Variants in HSPBP1 observed in about 807,000 individuals in gnomAD.
HSPBP1 encodes hsp70-binding protein 1.
A neutral mutation model predicts 41.7 loss-of-function variants in HSPBP1; 31 were observed. That is an observed-to-expected ratio of 0.74 (90% CI 0.56 to 1.00). The LOEUF (loss-of-function observed/expected upper bound fraction) is 1.00. HSPBP1 is among the 50% of genes least tolerant of loss of function. The probability of loss-of-function intolerance (pLI) is 0.00; values close to 1 mark genes in which losing one functional copy is unlikely to be tolerated. For synonymous variants in HSPBP1, 199 were observed against 214.4 expected (o/e 0.93, Z 0.63); for missense variants, 439 against 487.9 (o/e 0.90, Z 0.94).
chr19:55,271,988 G>A (rs1456380716), intron 4 of HSPBP1, among the ~76,000 whole-genome samples: 1 of 152,130 alleles, frequency 6.6e-6, no homozygotes, highest in Non-Finnish European at 1.5e-5. Flanking sequence ...CTTGAACCTG[G>A]GAGGTGGAGG....
At chr19:55,263,794 G>A (rs927281609) in intron 7 of HSPBP1, among the ~76,000 whole-genome samples, 8 of 152,178 alleles carry the variant, frequency 5.3e-5, no homozygotes, top group African/African-American at 1.4e-4. Context: ...CAACTGGGTA[G>A]CCAGAAGGAG....
chr19:55,264,219 G>A (rs755362828), intron 7 of HSPBP1, among the ~76,000 whole-genome samples: 11 of 152,012 alleles, frequency 7.2e-5, no homozygotes, highest in Non-Finnish European at 1.3e-4. Flanking sequence ...TGCCTGCCTC[G>A]GCCTCCCAAA....
chr19:55,277,188 C>G (rs1395148355), intron 3 of HSPBP1, among the ~76,000 whole-genome samples: 2 of 152,210 alleles, frequency 1.3e-5, no homozygotes, highest in African/African-American at 4.8e-5. Flanking sequence ...TCTACTCTGC[C>G]TCAAGGGCCT....
chr19:55,269,095 G>T (rs189746143), intron 4 of HSPBP1, among the ~76,000 whole-genome samples: 119 of 152,224 alleles, frequency 7.8e-4, no homozygotes, highest in African/African-American at 2.8e-3. Context: ...ACCCAGGAGA[G>T]ACCTGTCCCC....
chr19:55,274,385 C>A lies in HSPBP1; in HGVS notation c.640+13G>T, dbSNP rs1289709762. 2 of 1,526,902 alleles carry A rather than the reference C, an allele frequency of 1.3e-6. No homozygotes were observed. Among genetic ancestry groups the A allele is most frequent in the Non-Finnish European group, 1.8e-6 (2 of 1,138,952 alleles). The allele number at this position is 1,526,902 out of a possible 1,614,324, so 94.6% of individuals were successfully genotyped here. A position where few individuals can be genotyped will look rare whatever the true frequency, so the allele number is the denominator to read the frequency against. ...GCCAGCACCCCTGTCCCCAGCCCCA[C>A]CCGGACACTCACAGGAGATGGCGAA... On this transcript the variant is annotated intron_variant, in intron 4 of 7. Transcript: ENST00000433386.
Position 55,265,937 on chromosome 19 carries a change from A to T in HSPBP1, c.842T>A (p.Val281Glu). ...MGMVQQLVAL[V>E]RTEHSPFHEH... is the part of the protein sequence containing the mutation. ...GTGGAAGGGGCTGTGCTCTGTCCGC[A>T]CCAGGGCCACCAGCTGCTGGACCAT... Residue 281 changes from valine to glutamate, a missense_variant, in exon 6 of 8, where the codon GTG becomes GAG. By Grantham distance (121) the Val-to-Glu change is moderately radical (BLOSUM62 -2). Transcript: ENST00000433386. 1 of 1,607,606 alleles carries T rather than the reference A, an allele frequency of 6.2e-7. No homozygotes were observed. The highest frequency in any genetic ancestry group is 8.5e-7 in the Non-Finnish European group (1 of 1,178,174).
intron 4 of HSPBP1, among the ~76,000 whole-genome samples, chr19:55,273,038 G>A (rs1016764436): frequency 5.9e-5 from 9 of 152,114 alleles, no homozygotes; most frequent in Non-Finnish European, 1.0e-4. Context: ...GCTCTGTCAC[G>A]CAGGCTGGAG....
rs749071402 is a variant in HSPBP1, at chr19:55,270,937, C to T, written c.640+3461G>A. 9.3e-5 allele frequency among the ~76,000 whole-genome samples: 14 copies of T among 151,284 alleles called. No individual in the cohort carries two copies. Among genetic ancestry groups the T allele is most frequent in the East Asian group, 1.9e-4 (1 of 5,150 alleles). ...CCACACACCACACAACCCATGTACA[C>T]GCTACACTAACACACGACACGCCAA... On this transcript the variant is annotated intron_variant, in intron 4 of 7. Coordinates refer to ENST00000433386, the MANE Select transcript of HSPBP1 (RefSeq NM_012267.5). The surrounding 1 kb of genome is among the most constrained non-coding windows in gnomAD (Gnocchi z 5.4).
At chr19:55,276,610 C>T (rs1442682673) in intron 3 of HSPBP1, among the ~76,000 whole-genome samples, 1 of 152,162 alleles carries the variant, frequency 6.6e-6, no homozygotes, top group Non-Finnish European at 1.5e-5. Context: ...GTGCTTAGCA[C>T]ACAGCAGCTG....
At chr19:55,264,549 CTTG>C (rs1390715734) in intron 7 of HSPBP1, among the ~76,000 whole-genome samples, 9 of 151,862 alleles carry the variant, frequency 5.9e-5, no homozygotes, top group Admixed American at 2.0e-4. Context: ...TTATTTATCA[CTTG>C]TTATTTACCC....
intron 4 of HSPBP1, 53 bp downstream of exon 4, chr19:55,274,345 G>GACCCCCCCCCCCCC: frequency 1.8e-6 from 1 of 552,678 alleles, no homozygotes. Flanking sequence ...GGCCCACCCG[G>GACCCCCCCCCCCCC]CACCCCCCCC....
chr19:55,275,554 G>C (rs921360374), intron 3 of HSPBP1, among the ~76,000 whole-genome samples: 1 of 152,170 alleles, frequency 6.6e-6, no homozygotes, highest in Non-Finnish European at 1.5e-5. Flanking sequence ...CAGCACTTTG[G>C]GAGGCCAGGG....
At chr19:55,275,729 C>T in intron 3 of HSPBP1, among the ~76,000 whole-genome samples, 1 of 151,986 alleles carries the variant, frequency 6.6e-6, no homozygotes, top group East Asian at 1.9e-4. Context: ...GTGGGTGGAT[C>T]ACGAGGTCAG....
At position 55,274,554 on chromosome 19, in the gene HSPBP1, G is replaced by A. The variant is rs780613773; in HGVS notation, c.484C>T (p.Arg162Trp). The A allele has an allele frequency of 2.5e-6, 4 of 1,608,712 alleles. No individual in the cohort carries two copies. The East Asian group carries it at 6.7e-5, about 27-fold the overall frequency. The change falls in exon 4 of 8, where the codon CGG becomes TGG. Residue 162 changes from arginine to tryptophan, a missense_variant. Arg to Trp is a moderately radical substitution (Grantham distance 101, BLOSUM62 -3). Coordinates refer to ENST00000433386, the MANE Select transcript of HSPBP1 (RefSeq NM_012267.5). Reference protein sequence around the residue: ...RYLEAGAAGLRWRAAQLIGTC... With the variant: ...RYLEAGAAGLWWRAAQLIGTC... ...CCGATGAGCTGTGCCGCCCGCCACC[G>A]CAGTCCCGCAGCCCCCGCCTCCAGG...
rs566607911 is a variant in HSPBP1, at chr19:55,270,318, C to T, written c.641-4032G>A. ...ACTGCCAGCAAAACTCTGCTAGCCC[C>T]GGGGCGAGCCATGGTGGAAGCCCAT... On this transcript the variant is annotated intron_variant, in intron 4 of 7. Coordinates refer to ENST00000433386, the MANE Select transcript of HSPBP1 (RefSeq NM_012267.5). The surrounding 1 kb of genome is among the most constrained non-coding windows in gnomAD (Gnocchi z 5.4). 7.4e-4 allele frequency among the ~76,000 whole-genome samples: 112 copies of T among 152,308 alleles called. No homozygotes were observed. The highest frequency in any genetic ancestry group is 1.5e-3 in the Admixed American group (23 of 15,296).
chr19:55,278,273 G>A (rs1048428725), intron 2 of HSPBP1, among the ~76,000 whole-genome samples: 5 of 152,128 alleles, frequency 3.3e-5, no homozygotes, highest in East Asian at 1.9e-4. Context: ...GAGCTAATAC[G>A]TGACTGCTGG....
intron 3 of HSPBP1, among the ~76,000 whole-genome samples, chr19:55,275,503 G>C (rs950483941): frequency 6.6e-6 from 1 of 152,180 alleles, no homozygotes; most frequent in Non-Finnish European, 1.5e-5. Context: ...GCCATAAAAA[G>C]GAATGAAGCA....
At chr19:55,269,811 G>A (rs1454693271) in intron 4 of HSPBP1, among the ~76,000 whole-genome samples, 2 of 152,180 alleles carry the variant, frequency 1.3e-5, no homozygotes, top group African/African-American at 4.8e-5. Flanking sequence ...CAAACCCATA[G>A]TACATACAGC....
In HSPBP1 at chr19:55,262,305, A is replaced by G; in HGVS notation, c.*303T>C. ...ACCCGTGCCCCTCCTCCCGTCCCCC[A>G]TGCACCCTCCAAAGGAGATGACAAA... On this transcript the variant is annotated 3_prime_UTR_variant, in exon 8 of 8. Coordinates refer to ENST00000433386, the MANE Select transcript of HSPBP1 (RefSeq NM_012267.5). 8.6e-7 allele frequency: 1 copy of G among 1,167,754 alleles called. No individual in the cohort carries two copies. Among genetic ancestry groups the G allele is most frequent in the Non-Finnish European group, 1.1e-6 (1 of 930,314 alleles). 72.3% of individuals were successfully genotyped at this position (1,167,754 alleles called of 1,614,324 possible). A position where few individuals can be genotyped will look rare whatever the true frequency, so the allele number is the denominator to read the frequency against.
Sources: gnomAD v4.1 joint callset for allele counts (sites outside exome capture counted in the v4.1 genomes callset) on GRCh38, gnomAD v4.1.1 for gene constraint, Gnocchi (gnomAD v3.1) non-coding constraint, MANE v1.5 for transcripts, NCBI Gene and HGNC (gene_info 2026-07-23, HGNC 2026-07-21) for gene names.